The following NECAB2 variants were observed in gnomAD, a reference collection of about 807,000 sequenced individuals.
NECAB2 encodes the protein N-terminal EF-hand calcium-binding protein 2.
NECAB2 carries 68 observed loss-of-function variants against 51.9 expected under a neutral mutation model. The observed-to-expected ratio is 1.31, with a 90% CI of 1.08 to 1.60. The LOEUF (loss-of-function observed/expected upper bound fraction) is 1.60, where lower values mean the gene tolerates loss of function less well. Among genes scored for constraint, NECAB2 ranks in the 40% most tolerant of loss-of-function variants. The pLI is 0.00. For synonymous variants in NECAB2, 329 were observed against 203.5 expected, an observed-to-expected ratio of 1.62 and a Z score of -5.25; for missense variants, 854 against 490.3, an observed-to-expected ratio of 1.74 and a Z score of -7.00.
chr16:83,995,543 A>G (rs370291199), intron 8 of NECAB2, among the ~76,000 whole-genome samples: 1 of 152,142 alleles, frequency 6.6e-6, no homozygotes, highest in African/African-American at 2.4e-5. Flanking sequence ...CTGTTACCCA[A>G]ACCTATCCAC....
intron 6 of NECAB2, among the ~76,000 whole-genome samples, chr16:83,993,237 C>G (rs28594225): frequency 5.1e-4 from 78 of 152,278 alleles, no homozygotes; most frequent in African/African-American, 1.9e-3. Flanking sequence ...CACCCGGGAG[C>G]CCTGAGCAAC....
intron 2 of NECAB2, among the ~76,000 whole-genome samples, chr16:83,976,614 G>C (rs2084414377): frequency 6.6e-6 from 1 of 152,216 alleles, no homozygotes; most frequent in African/African-American, 2.4e-5. Context: ...TTTGGTTTGT[G>C]CATGTGTGGT....
chr16:84,001,897 C>G lies in NECAB2; in HGVS notation c.1113C>G (p.Leu371=), dbSNP rs769044737. 2.5e-6 allele frequency: 4 copies of G among 1,614,010 alleles called. No homozygotes were observed. Among genetic ancestry groups the G allele is most frequent in the Non-Finnish European group, 3.4e-6 (4 of 1,179,908 alleles). The change falls in exon 12 of 13, where the codon CTC becomes CTG. Residue 371 remains leucine, a synonymous_variant. Transcript: ENST00000305202. ...KVDTLSQPEA[L]SRILVPAAWC... ...ACACACTGAGCCAGCCTGAGGCCCT[C>G]TCCAGGATCTTGGTGCCAGGTAGGG...
At chr16:84,001,974 C>G (rs1448515299) in intron 12 of NECAB2, 58 bp downstream of exon 12, 1 of 1,557,978 alleles carries the variant, frequency 6.4e-7, no homozygotes, top group African/African-American at 1.4e-5. Flanking sequence ...AGGGCAAGAG[C>G]CTAGAGGCTG....
At chr16:83,985,691 G>A (rs1307237836) in intron 5 of NECAB2, among the ~76,000 whole-genome samples, 1 of 151,646 alleles carries the variant, frequency 6.6e-6, no homozygotes, top group Admixed American at 6.6e-5. Flanking sequence ...ATGTTAATGT[G>A]TAGTATTTTC....
At chr16:83,994,281 G>C in intron 6 of NECAB2, 21 bp from the exon 7 acceptor site, 2 of 1,611,892 alleles carry the variant, frequency 1.2e-6, no homozygotes, top group East Asian at 2.2e-5. Flanking sequence ...TGGTCTGTGT[G>C]TGTTCCCATC....
intron 2 of NECAB2, among the ~76,000 whole-genome samples, chr16:83,974,747 C>T (rs1322033889): frequency 2.6e-5 from 4 of 151,906 alleles, no homozygotes; most frequent in Non-Finnish European, 5.9e-5. Flanking sequence ...GGGGATGGGA[C>T]TTGGTGTGGG....
upstream of NECAB2, chr16:83,965,182 G>T (rs1293674862): frequency 2.5e-6 from 4 of 1,613,178 alleles, no homozygotes; most frequent in Non-Finnish European, 3.4e-6. Flanking sequence ...CCGTGGAGTG[G>T]GGGACCCCCG....
Position 83,968,681 on chromosome 16 carries a change from C to G in NECAB2, c.33C>G (p.Ala11=), listed in dbSNP as rs2084315460. The part of the protein sequence containing the change: MCERAARLCR[A]GAHRLLREPP... ...AGCGGGCGGCGCGCCTGTGCAGGGCCGGCGCGCACAGGCTGCTCCGGGAGC... is the reference window on the plus strand; with the variant it reads ...AGCGGGCGGCGCGCCTGTGCAGGGCGGGCGCGCACAGGCTGCTCCGGGAGC... Residue 11 remains alanine, a synonymous_variant, in exon 1 of 13, where the codon GCC becomes GCG. Transcript: ENST00000305202. The G allele has an allele frequency of 2.0e-6, 2 of 988,172 alleles. No individual in the cohort carries two copies. Among genetic ancestry groups the G allele is most frequent in the South Asian group, 4.5e-5 (1 of 22,132 alleles). 61.2% of individuals were successfully genotyped at this position (988,172 alleles called of 1,614,324 possible).
intron 2 of NECAB2, among the ~76,000 whole-genome samples, chr16:83,977,091 A>T (rs999210433): frequency 6.6e-6 from 1 of 152,344 alleles, no homozygotes; most frequent in South Asian, 2.1e-4. Context: ...CGGCAGAGAA[A>T]GGAGAGTCTT....
Position 83,979,231 on chromosome 16 carries a change from G to A in NECAB2, c.335+679G>A, listed in dbSNP as rs114863038. ...GCCCTCTCCTCAACCCCACCTTCAG[G>A]AGGGATCAGAGCCCCACCTGGTCTC... On this transcript the variant is annotated intron_variant, in intron 3 of 12. Transcript: ENST00000305202. Among the ~76,000 whole-genome samples the A allele has an allele frequency of 7.9e-3, 1,204 of 152,222 alleles. 19 individuals are homozygous for A. The highest frequency in any genetic ancestry group is 0.028 in the African/African-American group (1,146 of 41,530).
chr16:83,993,996 G>C (rs867232838), intron 6 of NECAB2, among the ~76,000 whole-genome samples: 4 of 152,172 alleles, frequency 2.6e-5, no homozygotes, highest in Admixed American at 6.5e-5. Context: ...CTGTTAGAGT[G>C]GGGGTGGGTC....
chr16:83,981,140 A>G lies in NECAB2; in HGVS notation c.459+13A>G. 1.3e-6 allele frequency: 2 copies of G among 1,592,642 alleles called. No homozygotes were observed. The highest frequency in any genetic ancestry group is 1.7e-4 in the Middle Eastern group (1 of 6,014). Reference sequence around the variant, plus strand: ...TTATACCAAGAAGGTCAGTGGGTGTAGGTGGCCCCCGGGGTCCAGGGCTCC... The same window carrying G: ...TTATACCAAGAAGGTCAGTGGGTGTGGGTGGCCCCCGGGGTCCAGGGCTCC... On this transcript the variant is annotated intron_variant, in intron 5 of 12. Coordinates refer to ENST00000305202, the MANE Select transcript of NECAB2 (RefSeq NM_019065.3).
rs145822021 is a variant in NECAB2 at position 83,998,217 on chromosome 16, G to C, written c.862G>C (p.Val288Leu). The C allele has an allele frequency of 3.1e-6, 5 of 1,610,004 alleles. 1 individual carries two copies. In the African/African-American group the frequency reaches 6.7e-5, roughly 21 times the overall value. The change falls in exon 10 of 13, where the codon GTC becomes CTC. Residue 288 changes from valine (V) to leucine (L), a missense_variant. Physicochemically the swap from Val to Leu is conservative, Grantham distance 32. Transcript: ENST00000305202. ...EDGTNMHLQL[V>L]RQEMAVCPEQ... The stretch of plus-strand genomic sequence containing the variant: ...CTGTGCCCGGCAGCACCTGCAGCTG[G>C]TCCGGCAGGAGATGGCCGTGTGCCC...
intron 10 of NECAB2, 125 bp downstream of exon 10, chr16:83,998,442 G>A (rs1395522045): frequency 9.2e-6 from 8 of 865,800 alleles, no homozygotes; most frequent in South Asian, 3.4e-5. Context: ...ACACACAGCT[G>A]GATGCGTAAG....
chr16:83,974,590 C>G (rs1043737739), intron 2 of NECAB2, among the ~76,000 whole-genome samples: 1 of 152,182 alleles, frequency 6.6e-6, no homozygotes, highest in African/African-American at 2.4e-5. Context: ...TTGTGATCCT[C>G]CTGAGACAAG....
Position 84,002,719 on chromosome 16 carries a change from A to G in NECAB2, c.*373A>G. ...TAGGAGTCATGCCCCTGTAGTGCCCAACCTAGCCAGGTAGCCACCACTGTG... is the reference window on the plus strand; with the variant it reads ...TAGGAGTCATGCCCCTGTAGTGCCCGACCTAGCCAGGTAGCCACCACTGTG... On this transcript the variant is annotated 3_prime_UTR_variant, in exon 13 of 13. Transcript: ENST00000305202. The G allele has an allele frequency of 3.7e-6, 1 of 272,028 alleles. No homozygotes were observed. The highest frequency in any genetic ancestry group is 7.9e-5 in the East Asian group (1 of 12,630). 16.9% of individuals were successfully genotyped at this position (272,028 alleles called of 1,614,324 possible). A position where few individuals can be genotyped will look rare whatever the true frequency, so the allele number is the denominator to read the frequency against.
chr16:83,991,295 C>A (rs897889249), intron 6 of NECAB2, among the ~76,000 whole-genome samples: 2 of 151,354 alleles, frequency 1.3e-5, no homozygotes, highest in African/African-American at 4.9e-5. Flanking sequence ...TTTTCTCTTT[C>A]TCTCTCTCTC....
intron 1 of NECAB2, chr16:83,971,922 T>C (rs968709538): frequency 3.3e-6 from 2 of 608,058 alleles, no homozygotes; most frequent in Non-Finnish European, 5.8e-6. Context: ...AGGCTGGTGG[T>C]ACTGGCAGCC....
Sources: gnomAD v4.1 joint callset for allele counts (sites outside exome capture counted in the v4.1 genomes callset) on GRCh38, gnomAD v4.1.1 for gene constraint, MANE v1.5 for transcripts, NCBI Gene and HGNC (gene_info 2026-07-23, HGNC 2026-07-21) for gene names.